REDIC1: variants seen among roughly 807,000 people sequenced by gnomAD.
The protein encoded by REDIC1 is HEI10 Interacting Protein 1.
At chr12:39,899,034 T>A in the REDIC1 span, among the ~76,000 whole-genome samples, 1 of 152,136 alleles carries the variant, frequency 6.6e-6, no homozygotes, top group Non-Finnish European at 1.5e-5. Flanking sequence ...TTCTATTGAT[T>A]GGAATAGTTT....
the REDIC1 span, among the ~76,000 whole-genome samples, chr12:39,893,334 C>T: frequency 6.6e-6 from 1 of 152,220 alleles, no homozygotes; most frequent in South Asian, 2.1e-4. Flanking sequence ...GAGTCTCACT[C>T]TGTCGCCCAG....
At chr12:39,654,816 A>C in the REDIC1 span, among the ~76,000 whole-genome samples, 1 of 152,126 alleles carries the variant, frequency 6.6e-6, no homozygotes, top group East Asian at 1.9e-4. Flanking sequence ...GGTTGGTATT[A>C]TTTCTTTTCT....
At chr12:39,857,039 G>A in the REDIC1 span, among the ~76,000 whole-genome samples, 1 of 152,144 alleles carries the variant, frequency 6.6e-6, no homozygotes, top group Non-Finnish European at 1.5e-5. Context: ...CTTGAAACAG[G>A]AATAAAACTC....
the REDIC1 span, among the ~76,000 whole-genome samples, chr12:39,657,864 T>C: frequency 3.9e-5 from 6 of 151,978 alleles, no homozygotes; most frequent in Non-Finnish European, 7.4e-5. Context: ...AAAATTGCAT[T>C]GAATTCTGCT....
At chr12:39,824,608 T>C in the REDIC1 span, among the ~76,000 whole-genome samples, 1 of 152,164 alleles carries the variant, frequency 6.6e-6, no homozygotes, top group Non-Finnish European at 1.5e-5. Context: ...TGGACGTGTC[T>C]CCTGGAAATC....
At chr12:39,831,373 A>G in the REDIC1 span, among the ~76,000 whole-genome samples, 1 of 152,190 alleles carries the variant, frequency 6.6e-6, no homozygotes. Flanking sequence ...ATTAAAGATC[A>G]GTCAGCACAG....
chr12:39,640,830 A>G, the REDIC1 span: 18 of 567,020 alleles, frequency 3.2e-5, no homozygotes, highest in Non-Finnish European at 4.8e-5. Context: ...GTTTCTTTTC[A>G]GAAAAAATGC....
the REDIC1 span, among the ~76,000 whole-genome samples, chr12:39,736,499 A>C: frequency 6.6e-6 from 1 of 152,240 alleles, no homozygotes; most frequent in Admixed American, 6.5e-5. Context: ...TGAAAGGAAT[A>C]TAAAAATTTG....
chr12:39,742,463 G>GT, the REDIC1 span, among the ~76,000 whole-genome samples: 140 of 152,158 alleles, frequency 9.2e-4, 1 homozygote, highest in Admixed American at 4.2e-3. Flanking sequence ...CAGAAATAAA[G>GT]TTTTTTTGTT....
the REDIC1 span, among the ~76,000 whole-genome samples, chr12:39,713,754 T>C: frequency 6.7e-6 from 1 of 149,470 alleles, no homozygotes; most frequent in Non-Finnish European, 1.5e-5. Context: ...TATATACATG[T>C]ATACACGTAT....
At chr12:39,779,911 A>T in the REDIC1 span, among the ~76,000 whole-genome samples, 1 of 152,212 alleles carries the variant, frequency 6.6e-6, no homozygotes, top group African/African-American at 2.4e-5. Context: ...AATGAATGCA[A>T]GCTGATTTAT....
the REDIC1 span, among the ~76,000 whole-genome samples, chr12:39,656,151 C>T: frequency 1.3e-5 from 2 of 152,108 alleles, no homozygotes; most frequent in Non-Finnish European, 2.9e-5. Flanking sequence ...GGTTTCTTTT[C>T]TTGTAATATC....
the REDIC1 span, among the ~76,000 whole-genome samples, chr12:39,737,981 T>G: frequency 6.6e-6 from 1 of 152,270 alleles, no homozygotes; most frequent in East Asian, 1.9e-4. Context: ...AAGACCTATT[T>G]CAGTAACACA....
At chr12:39,787,088 G>T in the REDIC1 span, among the ~76,000 whole-genome samples, 13 of 152,036 alleles carry the variant, frequency 8.6e-5, no homozygotes, top group Non-Finnish European at 1.9e-4. Flanking sequence ...TATGTATCAG[G>T]AGTGACTCAA....
the REDIC1 span, among the ~76,000 whole-genome samples, chr12:39,768,244 G>A: frequency 2.0e-5 from 3 of 152,182 alleles, no homozygotes; most frequent in South Asian, 6.2e-4. Context: ...TTCTGGATTA[G>A]GCTTGTGCTT....
the REDIC1 span, among the ~76,000 whole-genome samples, chr12:39,672,393 G>A: frequency 6.6e-6 from 1 of 152,144 alleles, no homozygotes; most frequent in African/African-American, 2.4e-5. Flanking sequence ...GGGCATGCAA[G>A]TGTGAGGTGG....
the REDIC1 span, among the ~76,000 whole-genome samples, chr12:39,674,232 C>T: frequency 6.6e-6 from 1 of 152,110 alleles, no homozygotes. Flanking sequence ...ATACCTGTCA[C>T]TTTGTAATTT....
chr12:39,642,410 T>G, the REDIC1 span, among the ~76,000 whole-genome samples: 3 of 151,606 alleles, frequency 2.0e-5, no homozygotes, highest in African/African-American at 7.3e-5. Context: ...TCCAAAGAAG[T>G]CTTCCATGTC....
At chr12:39,696,517 T>A in the REDIC1 span, among the ~76,000 whole-genome samples, 3 of 101,072 alleles carry the variant, frequency 3.0e-5, no homozygotes, top group Non-Finnish European at 5.3e-5. Context: ...CACTCCAGCC[T>A]GGGCGACAGA....
Sources: gnomAD v4.1 joint callset for allele counts (sites outside exome capture counted in the v4.1 genomes callset) on GRCh38, gnomAD v4.1.1 for gene constraint, MANE v1.5 for transcripts, NCBI Gene and HGNC (gene_info 2026-07-23, HGNC 2026-07-21) for gene names.